Variants in TPO observed in about 807,000 individuals in gnomAD.
The protein encoded by TPO is thyroid peroxidase, also known as thyroid microsomal antigen.
Under a neutral mutation model 96.9 loss-of-function variants are expected in TPO, and 78 were observed. That is an observed-to-expected ratio of 0.81 (90% CI 0.67 to 0.97). The LOEUF is 0.97. Ranked by LOEUF, TPO falls within the 50% of genes least tolerant of loss-of-function variation. The pLI, the probability that TPO is intolerant of heterozygous loss-of-function variation, is 0.00. For missense variants in TPO, 1,252 were observed against 1,274.8 expected, an observed-to-expected ratio of 0.98 and a Z score of 0.27; for synonymous variants, 547 against 538.0, an observed-to-expected ratio of 1.02 and a Z score of -0.23.
intron 16 of TPO, chr2:1,541,064 C>T (rs1183720643): frequency 4.8e-6 from 6 of 1,249,114 alleles, no homozygotes; most frequent in African/African-American, 4.6e-5. Flanking sequence ...CTTTTAAATT[C>T]TGATTTTTAA....
intron 15 of TPO, among the ~76,000 whole-genome samples, chr2:1,524,676 A>G (rs1359162201): frequency 9.8e-6 from 1 of 101,928 alleles, no homozygotes; most frequent in African/African-American, 3.8e-5. Flanking sequence ...ACTGTGGGCA[A>G]CCTCCCCAAA....
chr2:1,528,149 C>T (rs191594510), intron 15 of TPO, among the ~76,000 whole-genome samples: 191 of 141,224 alleles, frequency 1.4e-3, no homozygotes, highest in African/African-American at 4.9e-3. Flanking sequence ...CTGTGTGCAA[C>T]CCAACCAAAT....
In TPO at chr2:1,542,568, A is replaced by G. The variant is rs1382272019; in HGVS notation, c.*94A>G. On this transcript the variant is annotated 3_prime_UTR_variant, in exon 17 of 17. Transcript: ENST00000329066. ...CACAGGCAAATCCGAAATCAGCAGGACGACTGTTTTCCCAACACGGGTAAA... is the reference window on the plus strand; with the variant it reads ...CACAGGCAAATCCGAAATCAGCAGGGCGACTGTTTTCCCAACACGGGTAAA... The G allele has an allele frequency of 1.9e-6, 3 of 1,581,224 alleles. No individual in the cohort carries two copies. The Admixed American group carries it at 5.5e-5, about 29-fold the overall frequency.
chr2:1,503,805 G>A lies in TPO; in HGVS notation c.2387-143G>A, dbSNP rs1297705054. ...TTCGGATGTGCCGGGAGCAGGGGGC[G>A]GCCGGTTCCCCCTAGACCAGGTGGG... On this transcript the variant is annotated intron_variant, in intron 13 of 16. Coordinates refer to ENST00000329066, the MANE Select transcript of TPO (RefSeq NM_001206744.2). 41 of 1,480,176 alleles carry A rather than the reference G, an allele frequency of 2.8e-5. 1 individual carries two copies. The highest frequency in any genetic ancestry group is 5.6e-5 in the African/African-American group (4 of 71,906). The allele number at this position is 1,480,176 out of a possible 1,614,324, so 91.7% of individuals were successfully genotyped here.
At chr2:1,463,577 G>A (rs1215090262) in intron 7 of TPO, among the ~76,000 whole-genome samples, 2 of 152,140 alleles carry the variant, frequency 1.3e-5, no homozygotes, top group African/African-American at 4.8e-5. Context: ...GCAACTACAC[G>A]AGACTATAAA....
intron 1 of TPO, among the ~76,000 whole-genome samples, chr2:1,397,500 C>T (rs1282462035): frequency 6.6e-6 from 1 of 152,194 alleles, no homozygotes; most frequent in Admixed American, 6.5e-5. Flanking sequence ...GAGGGACTCC[C>T]ATCTCAAAGT....
intron 15 of TPO, among the ~76,000 whole-genome samples, chr2:1,529,248 C>A (rs569265865): frequency 1.1e-5 from 1 of 87,592 alleles, no homozygotes; most frequent in Non-Finnish European, 2.1e-5. Context: ...CGTGCTAAAT[C>A]CCCCCACTCT....
At chr2:1,524,428 A>AC (rs1195213726) in intron 15 of TPO, among the ~76,000 whole-genome samples, 1 of 22,074 alleles carries the variant, frequency 4.5e-5, no homozygotes, top group Non-Finnish European at 8.2e-5. Context: ...ATTGTGTGCA[A>AC]CCCCCCCAAA....
chr2:1,508,192 G>A (rs9677433), intron 14 of TPO, among the ~76,000 whole-genome samples: 4,330 of 152,050 alleles, frequency 0.028, 143 homozygotes, highest in African/African-American at 0.084. Flanking sequence ...TACATTTATC[G>A]ATTTGCGTAT....
chr2:1,441,504 G>A (rs1452788038), intron 5 of TPO, among the ~76,000 whole-genome samples: 2 of 152,154 alleles, frequency 1.3e-5, no homozygotes, highest in African/African-American at 2.4e-5. Flanking sequence ...TGCATTTGGG[G>A]TGAAGGTGTT....
intron 14 of TPO, 133 bp downstream of exon 14, chr2:1,504,212 C>A: frequency 6.6e-7 from 1 of 1,519,986 alleles, no homozygotes; most frequent in Non-Finnish European, 8.9e-7. Flanking sequence ...GACACCAAGC[C>A]CACGGTGCCC....
intron 5 of TPO, among the ~76,000 whole-genome samples, chr2:1,448,433 T>G (rs909360708): frequency 6.6e-6 from 1 of 152,192 alleles, no homozygotes; most frequent in Non-Finnish European, 1.5e-5. Flanking sequence ...CGTGACTCTC[T>G]TCATCCTCAG....
chr2:1,540,579 A>C lies in TPO; in HGVS notation c.2619-15A>C, dbSNP rs748916614. ...CCGGACCCTCTCCCGATAACTGGAC[A>C]CGTGTCTCCCACAGGACACGCACTG... On this transcript the variant is annotated splice_polypyrimidine_tract_variant and intron_variant, in intron 15 of 16. Transcript: ENST00000329066. 3 of 1,612,582 alleles carry C rather than the reference A, an allele frequency of 1.9e-6. No individual in the cohort carries two copies. Among genetic ancestry groups the C allele is most frequent in the African/African-American group, 2.7e-5 (2 of 74,882 alleles).
intron 7 of TPO, among the ~76,000 whole-genome samples, chr2:1,471,918 G>C (rs2148655381): frequency 6.6e-6 from 1 of 151,242 alleles, no homozygotes; most frequent in East Asian, 2.0e-4. Context: ...GATGCTCATG[G>C]TGTGCCCTTC....
At chr2:1,539,470 C>A (rs1015209670) in intron 15 of TPO, among the ~76,000 whole-genome samples, 1 of 152,164 alleles carries the variant, frequency 6.6e-6, no homozygotes, top group Non-Finnish European at 1.5e-5. Context: ...CTGAAGCCAC[C>A]AAGGACCGTT....
chr2:1,430,941 G>A (rs141213718), intron 3 of TPO, among the ~76,000 whole-genome samples: 2 of 152,206 alleles, frequency 1.3e-5, no homozygotes, highest in Non-Finnish European at 2.9e-5. Context: ...CTCCAGATGA[G>A]ACTTTGGACT....
chr2:1,539,318 AT>A (rs1680452000), intron 15 of TPO, among the ~76,000 whole-genome samples: 1 of 152,188 alleles, frequency 6.6e-6, no homozygotes, highest in African/African-American at 2.4e-5. Flanking sequence ...GGAAGTTGCT[AT>A]TTTATCCCAC....
At chr2:1,493,233 T>G (rs1671972576) in intron 10 of TPO, among the ~76,000 whole-genome samples, 2 of 147,946 alleles carry the variant, frequency 1.4e-5, no homozygotes, top group African/African-American at 2.5e-5. Flanking sequence ...CTGGCTTCTG[T>G]GTGTGCTCCT....
In TPO at chr2:1,506,133, G is replaced by A. The variant is rs542550309; in HGVS notation, c.2518+2054G>A. On this transcript the variant is annotated intron_variant, in intron 14 of 16. Transcript: ENST00000329066. ...TTCTCACCTATGAGTGAGAACATGCGGTGTTTGGTTTTTTGTCCTTGGGAT... is the reference window on the plus strand; with the variant it reads ...TTCTCACCTATGAGTGAGAACATGCAGTGTTTGGTTTTTTGTCCTTGGGAT... 1.1e-3 allele frequency among the ~76,000 whole-genome samples: 171 copies of A among 151,900 alleles called. 1 individual carries two copies. Among genetic ancestry groups the A allele is most frequent in the African/African-American group, 3.5e-3 (146 of 41,402 alleles).
Sources: gnomAD v4.1 joint callset for allele counts (sites outside exome capture counted in the v4.1 genomes callset) on GRCh38, gnomAD v4.1.1 for gene constraint, MANE v1.5 for transcripts, NCBI Gene and HGNC (gene_info 2026-07-23, HGNC 2026-07-21) for gene names.